Variants in ARAP2 observed in about 807,000 individuals in gnomAD.
ARAP2 encodes ArfGAP with RhoGAP domain, ankyrin repeat and PH domain 2.
A neutral mutation model predicts 194.5 loss-of-function variants in ARAP2; 148 were observed. That is an observed-to-expected ratio of 0.76 (90% CI 0.67 to 0.87). ARAP2 has a LOEUF of 0.87. ARAP2 is among the 40% of genes least tolerant of loss of function. ARAP2 has a pLI of 0.00. For synonymous variants in ARAP2, 695 were observed against 683.5 expected (o/e 1.02, Z -0.26); for missense variants, 2,128 against 1,989.7 (o/e 1.07, Z -1.32).
At chr4:36,190,959 G>C (rs1014622818) in intron 7 of ARAP2, among the ~76,000 whole-genome samples, 1 of 152,212 alleles carries the variant, frequency 6.6e-6, no homozygotes, top group Non-Finnish European at 1.5e-5. Flanking sequence ...AGACCAATAA[G>C]TGCTCTAGAA....
chr4:36,064,230 T>G (rs1376475943), downstream of ARAP2, among the ~76,000 whole-genome samples: 4 of 147,192 alleles, frequency 2.7e-5, no homozygotes, highest in Non-Finnish European at 4.5e-5. Flanking sequence ...TTCCTGTGAC[T>G]AAGCCTTCAT....
intron 28 of ARAP2, among the ~76,000 whole-genome samples, chr4:36,085,033 C>T (rs1204458945): frequency 8.6e-5 from 13 of 151,984 alleles, no homozygotes; most frequent in South Asian, 4.2e-4. Context: ...TAAGTGTGAG[C>T]GTGTATTTAT....
chr4:36,242,190 T>C (rs966746067), intron 1 of ARAP2, among the ~76,000 whole-genome samples: 3 of 152,176 alleles, frequency 2.0e-5, no homozygotes, highest in South Asian at 2.1e-4. Context: ...ACATCCACCA[T>C]ATGTGGTCAA....
At chr4:36,109,185 A>G (rs1438549315) in intron 26 of ARAP2, among the ~76,000 whole-genome samples, 5 of 151,894 alleles carry the variant, frequency 3.3e-5, no homozygotes, top group Non-Finnish European at 7.4e-5. Context: ...TCTGTTTCCA[A>G]TGTAAATTAC....
chr4:36,181,402 T>TA (rs1553932994), intron 8 of ARAP2, among the ~76,000 whole-genome samples: 43 of 132,022 alleles, frequency 3.3e-4, no homozygotes, highest in South Asian at 1.1e-3. Context: ...AGTATAAGAA[T>TA]TAAAAAAAAA....
chr4:36,179,694 C>A (rs1738788192), intron 8 of ARAP2, among the ~76,000 whole-genome samples: 2 of 152,188 alleles, frequency 1.3e-5, no homozygotes, highest in African/African-American at 4.8e-5. Context: ...GAAGAGAAAG[C>A]AGAGCCCAGT....
intron 5 of ARAP2, among the ~76,000 whole-genome samples, chr4:36,021,294 T>TA (rs1365449924): frequency 1.1e-4 from 16 of 152,136 alleles, no homozygotes; most frequent in Non-Finnish European, 2.1e-4. Flanking sequence ...CATAATTTTT[T>TA]AAAAAAATCA....
At chr4:36,162,259 C>A (rs1734269865) in intron 11 of ARAP2, among the ~76,000 whole-genome samples, 1 of 151,994 alleles carries the variant, frequency 6.6e-6, no homozygotes, top group South Asian at 2.1e-4. Flanking sequence ...TTGCTAAAAC[C>A]CCACGTATGT....
chr4:36,128,421 C>T (rs1724484259), intron 21 of ARAP2, 112 bp downstream of exon 21: 2 of 771,690 alleles, frequency 2.6e-6, no homozygotes, highest in Non-Finnish European at 4.0e-6. Context: ...TTCAGCTTAT[C>T]AAAGATGTTT....
At chr4:36,171,875 T>C (rs542123789) in intron 9 of ARAP2, among the ~76,000 whole-genome samples, 3 of 152,256 alleles carry the variant, frequency 2.0e-5, no homozygotes, top group Admixed American at 1.3e-4. Context: ...TAGAATGCAA[T>C]GTGAATGGTA....
intron 27 of ARAP2, among the ~76,000 whole-genome samples, chr4:36,100,140 C>T (rs12499599): frequency 0.16 from 24,821 of 151,948 alleles, 4,686 homozygotes; most frequent in African/African-American, 0.46. Context: ...TATGTAATAC[C>T]GCTACATCCC....
chr4:36,052,144 A>G (rs1722773940), intron 2 of ARAP2: 1 of 152,236 alleles, frequency 6.6e-6, no homozygotes, highest in African/African-American at 2.4e-5. Context: ...AAACTTGTAA[A>G]TAGAAATAAC....
intron 6 of ARAP2, among the ~76,000 whole-genome samples, chr4:36,203,311 C>T (rs1042633178): frequency 3.3e-5 from 5 of 151,768 alleles, no homozygotes; most frequent in Admixed American, 2.6e-4. Context: ...CCAGGCCTGG[C>T]GCAGTGGCTC....
rs1727583939 is a variant in ARAP2 at position 36,073,724 on chromosome 4, C to T, written c.4708G>A (p.Glu1570Lys). 1.9e-6 allele frequency: 3 copies of T among 1,612,966 alleles called. No homozygotes were observed. Among genetic ancestry groups the T allele is most frequent in the Non-Finnish European group, 2.5e-6 (3 of 1,179,230 alleles). ...TTCCGGGCCAAGGTTGCATTCCCCT[C>T]ATGCTGTATAGGAATCAGAGGCAAA... ...GGLPLIPIQH[E>K]GNATLARKNI... Residue 1570 changes from glutamate (E) to lysine (K), a missense_variant, in exon 32 of 33, where the codon GAG (glutamate) becomes AAG (lysine). Coordinates refer to ENST00000303965, the MANE Select transcript of ARAP2 (RefSeq NM_015230.4).
At chr4:36,021,137 T>C (rs971759011) in intron 5 of ARAP2, among the ~76,000 whole-genome samples, 1 of 152,142 alleles carries the variant, frequency 6.6e-6, no homozygotes, top group African/African-American at 2.4e-5. Flanking sequence ...AGGAGATAAA[T>C]GTACATAAAG....
chr4:36,242,941 T>A (rs1000918764), intron 1 of ARAP2, among the ~76,000 whole-genome samples: 1 of 152,186 alleles, frequency 6.6e-6, no homozygotes, highest in Non-Finnish European at 1.5e-5. Flanking sequence ...TTAAATATGT[T>A]TAGAAAGAAG....
rs915558770 is a variant in ARAP2, at chr4:36,066,176, A to G, written c.*1731T>C. 9 of 152,348 alleles carry G rather than the reference A, an allele frequency of 5.9e-5. No homozygotes were observed. The highest frequency in any genetic ancestry group is 2.2e-4 in the African/African-American group (9 of 41,592). The allele number at this position is 152,348 out of a possible 1,614,324, so 9.4% of individuals were successfully genotyped here. ...TTCAGATAAGGCAGGTAAAAACTCT[A>G]GATACTTTTCCACTGTCCAACATCA... On this transcript the variant is annotated 3_prime_UTR_variant, in exon 33 of 33. Coordinates refer to ENST00000303965, the MANE Select transcript of ARAP2 (RefSeq NM_015230.4).
Position 36,068,235 on chromosome 4 carries a change from C to G in ARAP2, c.4787G>C (p.Cys1596Ser), listed in dbSNP as rs1425146725. 1 of 1,591,306 alleles carries G rather than the reference C, an allele frequency of 6.3e-7. No individual in the cohort carries two copies. Among genetic ancestry groups the G allele is most frequent in the Non-Finnish European group, 8.5e-7 (1 of 1,170,110 alleles). The change falls in exon 33 of 33, where the codon TGT (cysteine) becomes TCT (serine). Residue 1596 changes from cysteine to serine, a missense_variant. Physicochemically the swap from Cys to Ser is moderately radical, Grantham distance 112. Transcript: ENST00000303965. ...GCTAGAGTCCACGGACTCTTTATCA[C>G]ACTTTTCACTGAGCCGCAGCCTTTC... ...ELERLRLSEK[C>S]DKESVDSSLK...
downstream of ARAP2, among the ~76,000 whole-genome samples, chr4:36,062,784 A>G (rs1724676726): frequency 6.6e-6 from 1 of 152,150 alleles, no homozygotes; most frequent in African/African-American, 2.4e-5. Flanking sequence ...TCAATTATCA[A>G]AACTTTTATA....
Sources: allele counts gnomAD v4.1 joint callset (sites outside exome capture counted in the v4.1 genomes callset), GRCh38; gene constraint gnomAD v4.1.1; transcripts MANE v1.5; gene names NCBI Gene and HGNC (gene_info 2026-07-23, HGNC 2026-07-21).